Variants in CPB2 observed in about 807,000 individuals in gnomAD.
CPB2 encodes carboxypeptidase B2.
Under a neutral mutation model 57.0 loss-of-function variants are expected in CPB2, and 54 were observed. That is an observed-to-expected ratio of 0.95 (90% CI 0.76 to 1.19). The LOEUF is 1.19. Among genes scored for constraint, CPB2 ranks in the 50% most tolerant of loss-of-function variants. CPB2 has a pLI of 0.00. For missense variants in CPB2, 426 were observed against 512.0 expected, an observed-to-expected ratio of 0.83 and a Z score of 1.62; for synonymous variants, 189 against 178.1, an observed-to-expected ratio of 1.06 and a Z score of -0.49.
chr13:46,078,172 GA>G (rs1321459317), intron 5 of CPB2, among the ~76,000 whole-genome samples: 1 of 151,570 alleles, frequency 6.6e-6, no homozygotes, highest in Non-Finnish European at 1.5e-5. Flanking sequence ...GAGGGAGGGA[GA>G]AAAAAAATCA....
At chr13:46,102,151 A>C (rs1376903884) in intron 1 of CPB2, among the ~76,000 whole-genome samples, 3 of 152,236 alleles carry the variant, frequency 2.0e-5, no homozygotes, top group Non-Finnish European at 2.9e-5. Context: ...CCTGTGGTCT[A>C]TTAATAATTC....
At chr13:46,067,872 G>C (rs1047365169) in intron 6 of CPB2, among the ~76,000 whole-genome samples, 4 of 152,184 alleles carry the variant, frequency 2.6e-5, no homozygotes, top group Non-Finnish European at 4.4e-5. Flanking sequence ...AGTTTTGCTA[G>C]AATTGAGTGT....
chr13:46,081,289 A>G (rs1281933758), intron 4 of CPB2, among the ~76,000 whole-genome samples: 6 of 152,218 alleles, frequency 3.9e-5, no homozygotes, highest in African/African-American at 1.4e-4. Context: ...ATGTTTTAAC[A>G]AATATTTAAA....
intron 2 of CPB2, 68 bp downstream of exon 2, chr13:46,087,677 G>C (rs2045230930): frequency 3.0e-6 from 3 of 1,011,340 alleles, no homozygotes; most frequent in South Asian, 2.7e-5. Flanking sequence ...CAACATACAG[G>C]AGGAAACTCA....
chr13:46,085,126 A>G (rs2045182957), intron 2 of CPB2, among the ~76,000 whole-genome samples: 4 of 152,110 alleles, frequency 2.6e-5, no homozygotes, highest in Admixed American at 6.5e-5. Flanking sequence ...CTGGGATTAC[A>G]GGCACGAGCC....
chr13:46,089,554 T>C (rs1316435927), intron 1 of CPB2, among the ~76,000 whole-genome samples: 2 of 152,112 alleles, frequency 1.3e-5, no homozygotes, highest in Non-Finnish European at 1.5e-5. Flanking sequence ...CTTCATCAAT[T>C]AGTATTATGA....
intron 1 of CPB2, chr13:46,099,978 T>C (rs2045413516): frequency 6.6e-6 from 1 of 151,828 alleles, no homozygotes; most frequent in African/African-American, 2.4e-5. Flanking sequence ...TGAGCCAAAA[T>C]CACACCACTG....
intron 3 of CPB2, among the ~76,000 whole-genome samples, chr13:46,084,012 C>G (rs1000764332): frequency 2.6e-5 from 4 of 152,108 alleles, no homozygotes; most frequent in Non-Finnish European, 5.9e-5. Context: ...AGATAAGGGA[C>G]GGAGGTCATG....
chr13:46,097,802 AC>A (rs2045386614), intron 1 of CPB2, among the ~76,000 whole-genome samples: 1 of 152,206 alleles, frequency 6.6e-6, no homozygotes, highest in Admixed American at 6.5e-5. Context: ...GTTTCCATAT[AC>A]CGTCACTCCA....
chr13:46,062,454 A>G (rs1173019996), intron 8 of CPB2, among the ~76,000 whole-genome samples: 1 of 152,062 alleles, frequency 6.6e-6, no homozygotes, highest in African/African-American at 2.4e-5. Flanking sequence ...TGTCAGCTCT[A>G]TTTACTTAGA....
chr13:46,084,331 G>T lies in CPB2; in HGVS notation c.163C>A (p.Gln55Lys). Reference sequence around the variant, plus strand: ...ACAATAAGGTCAGCTGTTACCGGCTGCCAGAGAACAATCTACAGTTTAAGG... The same window carrying T: ...ACAATAAGGTCAGCTGTTACCGGCTTCCAGAGAACAATCTACAGTTTAAGG... ...LTTTYEIVLW[Q>K]PVTADLIVKK... is the part of the protein sequence containing the mutation. The change falls in exon 3 of 11, where the codon CAG (glutamine) becomes AAG (lysine). Residue 55 changes from glutamine (Q) to lysine (K), a missense_variant. By Grantham distance (53) the Gln-to-Lys change is moderately conservative. Transcript: ENST00000181383. 1 of 1,614,088 alleles carries T rather than the reference G, an allele frequency of 6.2e-7. No individual in the cohort carries two copies. The highest frequency in any genetic ancestry group is 8.5e-7 in the Non-Finnish European group (1 of 1,179,992).
In CPB2 at chr13:46,053,711, T is replaced by A; in HGVS notation, c.1175A>T (p.Tyr392Phe). 1 of 1,614,156 alleles carries A rather than the reference T, an allele frequency of 6.2e-7. No homozygotes were observed. The highest frequency in any genetic ancestry group is 2.2e-5 in the East Asian group (1 of 44,878). ...GTAACGCTCCGGCAGCAAGAATCCG[T>A]ATGTGCCCGTATCTCGAAGTTCAAT... is the stretch of plus-strand genomic sequence containing the variant. ...FTIELRDTGT[Y>F]GFLLPERYIK... Residue 392 changes from tyrosine to phenylalanine, a missense_variant, in exon 11 of 11, where the codon TAC becomes TTC. Physicochemically the swap from Tyr to Phe is conservative, Grantham distance 22. Transcript: ENST00000181383.
intron 10 of CPB2, among the ~76,000 whole-genome samples, chr13:46,054,347 C>A (rs904325967): frequency 6.6e-6 from 1 of 152,126 alleles, no homozygotes; most frequent in East Asian, 1.9e-4. Flanking sequence ...CTTTGTTTGG[C>A]ATGTAGACCT....
chr13:46,084,303 T>A lies in CPB2; in HGVS notation c.191A>T (p.Lys64Met). 6.2e-7 allele frequency: 1 copy of A among 1,614,168 alleles called. No homozygotes were observed. The highest frequency in any genetic ancestry group is 8.5e-7 in the Non-Finnish European group (1 of 1,180,018). The stretch of plus-strand genomic sequence containing the variant: ...TACAAAAAAATGGACTTGTTTTTTC[T>A]TCACAATAAGGTCAGCTGTTACCGG... Reference protein sequence around the residue: ...WQPVTADLIVKKKQVHFFVNA... With the variant: ...WQPVTADLIVMKKQVHFFVNA... The change falls in exon 3 of 11, where the codon AAG (lysine) becomes ATG (methionine). Residue 64 changes from lysine (K) to methionine (M), a missense_variant. Coordinates refer to ENST00000181383, the MANE Select transcript of CPB2 (RefSeq NM_001872.5).
At chr13:46,065,910 T>C (rs1011686399) in intron 7 of CPB2, among the ~76,000 whole-genome samples, 51 of 152,196 alleles carry the variant, frequency 3.4e-4, no homozygotes, top group African/African-American at 1.2e-3. Context: ...GGTGTAAATA[T>C]ACTTTATTAC....
At chr13:46,073,710 T>G (rs1487702495) in intron 6 of CPB2, among the ~76,000 whole-genome samples, 163 bp downstream of exon 6, 1 of 151,180 alleles carries the variant, frequency 6.6e-6, no homozygotes, top group Non-Finnish European at 1.5e-5. Context: ...TTCAACTTAC[T>G]AATGCATAAA....
chr13:46,104,826 C>A lies in CPB2; in HGVS notation c.74+110G>T, dbSNP rs11574981. 8 of 1,257,022 alleles carry A rather than the reference C, an allele frequency of 6.4e-6. No homozygotes were observed. The African/African-American group carries it at 1.1e-4, about 17-fold the overall frequency. The allele number at this position is 1,257,022 out of a possible 1,614,324, so 77.9% of individuals were successfully genotyped here. On this transcript the variant is annotated intron_variant, in intron 1 of 10. Coordinates refer to ENST00000181383, the MANE Select transcript of CPB2 (RefSeq NM_001872.5). Reference sequence around the variant, plus strand: ...ACTTGGAAAGTTCTGAAAGACCTGGCCTTCAAAGTTTACCATTTTGTCCAC... The same window carrying A: ...ACTTGGAAAGTTCTGAAAGACCTGGACTTCAAAGTTTACCATTTTGTCCAC...
intron 1 of CPB2, among the ~76,000 whole-genome samples, chr13:46,102,463 AT>A (rs987297793): frequency 3.0e-4 from 45 of 148,728 alleles, no homozygotes; most frequent in African/African-American, 1.0e-3. Flanking sequence ...CACTGATGAA[AT>A]TTATCAAAAT....
chr13:46,102,312 T>C (rs1322879635), intron 1 of CPB2, among the ~76,000 whole-genome samples: 1 of 152,244 alleles, frequency 6.6e-6, no homozygotes, highest in African/African-American at 2.4e-5. Flanking sequence ...TTTACAAGAT[T>C]CTTGCTAGTA....
Sources: allele counts gnomAD v4.1 joint callset (sites outside exome capture counted in the v4.1 genomes callset), GRCh38; gene constraint gnomAD v4.1.1; transcripts MANE v1.5; gene names NCBI Gene and HGNC (gene_info 2026-07-23, HGNC 2026-07-21).